The following MCOLN1 variants were observed in gnomAD, a reference collection of about 807,000 sequenced individuals.
MCOLN1 encodes the protein mucolipin TRP cation channel 1.
A neutral mutation model predicts 70.3 loss-of-function variants in MCOLN1; 50 were observed. That is an observed-to-expected ratio of 0.71 (90% CI 0.57 to 0.90). The LOEUF is 0.90. Ranked by LOEUF, MCOLN1 falls within the 40% of genes least tolerant of loss-of-function variation. MCOLN1 has a pLI of 0.00. For synonymous variants in MCOLN1, 366 were observed against 341.0 expected (o/e 1.07, Z -0.81); for missense variants, 598 against 803.5 (o/e 0.74, Z 3.09).
rs1208397824 is a variant in MCOLN1, at chr19:7,533,968, T to C, written c.*173T>C. The C allele has an allele frequency of 9.7e-6, 7 of 721,266 alleles. No homozygotes were observed. In the Admixed American group the frequency reaches 1.6e-4, roughly 16 times the overall value. 44.7% of individuals were successfully genotyped at this position (721,266 alleles called of 1,614,324 possible). A position where few individuals can be genotyped will look rare whatever the true frequency, so the allele number is the denominator to read the frequency against. The stretch of plus-strand genomic sequence containing the variant: ...GGGCGGGGAGACTGGGTGGGGAGGG[T>C]GTTGAATAAAAGGGAAAATAAATGT... On this transcript the variant is annotated 3_prime_UTR_variant, in exon 14 of 14. Transcript: ENST00000264079.
In MCOLN1 at chr19:7,522,634, TGATGCCGGAGGGTTTGAAGCC is replaced by T; in HGVS notation, c.-115_-95del. 1 of 1,113,130 alleles carries T rather than the reference TGATGCCGGAGGGTTTGAAGCC, an allele frequency of 9.0e-7. No homozygotes were observed. Among genetic ancestry groups the T allele is most frequent in the Non-Finnish European group, 1.2e-6 (1 of 820,086 alleles). 69.0% of individuals were successfully genotyped at this position (1,113,130 alleles called of 1,614,324 possible). ...TCACGTGACCGAGGCACAGATCAGCTGATGCCGGAGGGTTTGAAGCCGCGCCGCGAGGGAGCGAGGTCGCAG... is the reference window on the plus strand; with the variant it reads ...TCACGTGACCGAGGCACAGATCAGCTGCGCCGCGAGGGAGCGAGGTCGCAG... On this transcript the variant is annotated 5_prime_UTR_variant, in exon 1 of 14. It removes an upstream start codon present in the reference 5' UTR. Coordinates refer to ENST00000264079, the MANE Select transcript of MCOLN1 (RefSeq NM_020533.3).
chr19:7,530,360 C>A lies in MCOLN1; in HGVS notation c.1434C>A (p.Ala478=), dbSNP rs772184395. Residue 478 remains alanine (A), a synonymous_variant, in exon 12 of 14, where the codon GCC becomes GCA. Transcript: ENST00000264079. ...GGGACGACATGTTTGTGACGTTCGC[C>A]GCCATGCAGGCGCAGCAGGGCCGCA... ...INGDDMFVTF[A]AMQAQQGRSS... 1.2e-6 allele frequency: 2 copies of A among 1,613,942 alleles called. No individual in the cohort carries two copies. Among genetic ancestry groups the A allele is most frequent in the South Asian group, 2.2e-5 (2 of 91,088 alleles).
In MCOLN1 at chr19:7,528,316, C is replaced by T. The variant is rs1367298104; in HGVS notation, c.877+59C>T. 6.6e-7 allele frequency: 1 copy of T among 1,523,804 alleles called. No individual in the cohort carries two copies. The highest frequency in any genetic ancestry group is 9.1e-7 in the Non-Finnish European group (1 of 1,099,708). 94.4% of individuals were successfully genotyped at this position (1,523,804 alleles called of 1,614,324 possible). A position where few individuals can be genotyped will look rare whatever the true frequency, so the allele number is the denominator to read the frequency against. ...GGGGCCCTGGCCTGTCCTGGGATTC[C>T]CCAAGCCCCAGATCAGCGCTGCCTG... On this transcript the variant is annotated intron_variant, in intron 7 of 13. Coordinates refer to ENST00000264079, the MANE Select transcript of MCOLN1 (RefSeq NM_020533.3). This position sits in a 1 kb window ranked among gnomAD's most constrained non-coding sequence, Gnocchi z 4.2.
In MCOLN1 at chr19:7,528,035, C is replaced by T; in HGVS notation, c.777+75C>T. The T allele has an allele frequency of 1.3e-6, 2 of 1,540,556 alleles. No homozygotes were observed. Among genetic ancestry groups the T allele is most frequent in the South Asian group, 2.2e-5 (2 of 89,526 alleles). On this transcript the variant is annotated intron_variant, in intron 6 of 13. Transcript: ENST00000264079. The surrounding 1 kb of genome is among the most constrained non-coding windows in gnomAD (Gnocchi z 4.2). ...CTGGTCAGGGAGTGTCTTGGGAGCA[C>T]TGGCCAAGGGCAAGCGTGCGGGTGA... is the stretch of plus-strand genomic sequence containing the variant.
chr19:7,532,296 A>T (rs2022663595), intron 12 of MCOLN1, among the ~76,000 whole-genome samples: 1 of 152,202 alleles, frequency 6.6e-6, no homozygotes, highest in African/African-American at 2.4e-5. Flanking sequence ...GTATGAAGGA[A>T]GAGTGGAAGG....
Position 7,524,263 on chromosome 19 carries a change from T to C in MCOLN1, c.32-698T>C, listed in dbSNP as rs545295032. On this transcript the variant is annotated intron_variant, in intron 1 of 13. Transcript: ENST00000264079. This position sits in a 1 kb window ranked among gnomAD's most constrained non-coding sequence, Gnocchi z 4.1. ...TCTGGGATTTGATGCTAGGGCTGCA[T>C]GATTTCTAGGAGCTGGTGCTTTTCA... Among the ~76,000 whole-genome samples, 228 of 152,290 alleles carry C rather than the reference T, an allele frequency of 1.5e-3. 1 individual carries two copies. Among genetic ancestry groups the C allele is most frequent in the African/African-American group, 5.1e-3 (213 of 41,552 alleles).
In MCOLN1 at chr19:7,528,204, T is replaced by C; in HGVS notation, c.824T>C (p.Leu275Pro). Reference protein sequence around the residue: ...KAHSGRIPISLETQAHIQECK... With the variant: ...KAHSGRIPISPETQAHIQECK... ...CACAGTGGGCGGATCCCCATCAGCC[T>C]GGAGACCCAGGCCCACATCCAGGAG... The change falls in exon 7 of 14, where the codon CTG becomes CCG. Residue 275 changes from leucine (L) to proline (P), a missense_variant. By Grantham distance (98) the Leu-to-Pro change is moderately conservative. Around this residue, in one of 3 missense-constraint regions of MCOLN1, gnomAD observed 461 missense variants for 588.4 expected, o/e 0.78. Coordinates refer to ENST00000264079, the MANE Select transcript of MCOLN1 (RefSeq NM_020533.3). The surrounding 1 kb of genome is among the most constrained non-coding windows in gnomAD (Gnocchi z 4.2). 1 of 1,614,094 alleles carries C rather than the reference T, an allele frequency of 6.2e-7. No homozygotes were observed. Among genetic ancestry groups the C allele is most frequent in the Non-Finnish European group, 8.5e-7 (1 of 1,179,978 alleles).
chr19:7,527,752 GT>G (rs763898525), intron 5 of MCOLN1, 111 bp from the exon 6 acceptor site: 79 of 1,113,830 alleles, frequency 7.1e-5, no homozygotes, highest in Non-Finnish European at 9.7e-5. Context: ...TGCCTGCTGG[GT>G]GAGCACTTCC....
At position 7,533,576 on chromosome 19, in the gene MCOLN1, G is replaced by A; in HGVS notation, c.1629G>A (p.Gln543=). Residue 543 remains glutamine, a synonymous_variant, in exon 13 of 14, where the codon CAG becomes CAA. Coordinates refer to ENST00000264079, the MANE Select transcript of MCOLN1 (RefSeq NM_020533.3). ...GCGAGCTGCAGGCCTACATCGCACA[G>A]TGCCAGGACAGCCCCACCTCCGGCA... The part of the protein sequence containing the change: ...EESELQAYIA[Q]CQDSPTSGKF... 1.2e-6 allele frequency: 2 copies of A among 1,612,870 alleles called. No homozygotes were observed. The highest frequency in any genetic ancestry group is 1.7e-6 in the Non-Finnish European group (2 of 1,179,988).
chr19:7,527,271 CAA>C lies in MCOLN1; in HGVS notation c.572-226_572-225del, dbSNP rs562144613. ...TGGGTGACAGAGTGAGACCCTGTCT[CAA>C]AAAAAAAAAAAAAAAAAAAAAACAA... On this transcript the variant is annotated intron_variant, in intron 4 of 13. Transcript: ENST00000264079. The C allele has an allele frequency of 0.071, 15,797 of 221,058 alleles. 16 individuals carry two copies. Among genetic ancestry groups the C allele is most frequent in the African/African-American group, 0.11 (2,173 of 20,122 alleles). 13.7% of individuals were successfully genotyped at this position (221,058 alleles called of 1,614,324 possible). A position where few individuals can be genotyped will look rare whatever the true frequency, so the allele number is the denominator to read the frequency against.
chr19:7,523,566 T>C (rs1331124326), intron 1 of MCOLN1, among the ~76,000 whole-genome samples: 1 of 152,208 alleles, frequency 6.6e-6, no homozygotes, highest in African/African-American at 2.4e-5. Context: ...GTGCACACAT[T>C]TATCCTGACT....
In MCOLN1 at chr19:7,527,891, G is replaced by A; in HGVS notation, c.708G>A (p.Arg236=). 2 of 1,614,120 alleles carry A rather than the reference G, an allele frequency of 1.2e-6. No homozygotes were observed. The highest frequency in any genetic ancestry group is 1.7e-6 in the Non-Finnish European group (2 of 1,180,000). The change falls in exon 6 of 14, where the codon CGG becomes CGA. Residue 236 remains arginine, a synonymous_variant. Transcript: ENST00000264079. ...HKLVNVTIHF[R]LKTINLQSLI... is the part of the protein sequence containing the mutation. ...TGGTCAATGTCACCATCCACTTCCG[G>A]CTGAAGACCATTAACCTCCAGAGCC...
Position 7,528,753 on chromosome 19 carries a change from G to T in MCOLN1, c.984+50G>T, listed in dbSNP as rs773120158. The T allele has an allele frequency of 1.2e-5, 19 of 1,614,178 alleles. No individual in the cohort carries two copies. The highest frequency in any genetic ancestry group is 1.7e-4 in the Middle Eastern group (1 of 6,060). On this transcript the variant is annotated intron_variant, in intron 8 of 13. Coordinates refer to ENST00000264079, the MANE Select transcript of MCOLN1 (RefSeq NM_020533.3). This position sits in a 1 kb window ranked among gnomAD's most constrained non-coding sequence, Gnocchi z 4.2. ...TGGTGTCCTCCCCGCCTGGCCCTGG[G>T]GCGATAAAAGCCAGGGCTTTGAGGG...
chr19:7,525,195 T>C lies in MCOLN1; in HGVS notation c.237+29T>C, dbSNP rs2146021439. 6.2e-7 allele frequency: 1 copy of C among 1,602,822 alleles called. No homozygotes were observed. ...AGGCCAGCCAAGCAGGGGCCCCAGC[T>C]GAAGGCCACCTGTGGCTGCTGTGCT... On this transcript the variant is annotated intron_variant, in intron 2 of 13. Coordinates refer to ENST00000264079, the MANE Select transcript of MCOLN1 (RefSeq NM_020533.3). The surrounding 1 kb of genome is among the most constrained non-coding windows in gnomAD (Gnocchi z 4.2).
chr19:7,526,647 A>C lies in MCOLN1; in HGVS notation c.405+41A>C, dbSNP rs1044652991. The C allele has an allele frequency of 8.2e-7, 1 of 1,226,156 alleles. No individual in the cohort carries two copies. The highest frequency in any genetic ancestry group is 1.7e-5 in the African/African-American group (1 of 57,324). The allele number at this position is 1,226,156 out of a possible 1,614,324, so 76.0% of individuals were successfully genotyped here. On this transcript the variant is annotated intron_variant, in intron 3 of 13. Coordinates refer to ENST00000264079, the MANE Select transcript of MCOLN1 (RefSeq NM_020533.3). This position sits in a 1 kb window ranked among gnomAD's most constrained non-coding sequence, Gnocchi z 4.6. Reference sequence around the variant, plus strand: ...CAGGTGCTGGTGGGCAGGCAGGTGCAGGTGGGCGGGCAGGTGCAGTTGGGC... The same window carrying C: ...CAGGTGCTGGTGGGCAGGCAGGTGCCGGTGGGCGGGCAGGTGCAGTTGGGC...
At chr19:7,529,938 G>A (rs748383192) in intron 11 of MCOLN1, among the ~76,000 whole-genome samples, 1 of 152,164 alleles carries the variant, frequency 6.6e-6, no homozygotes, top group Admixed American at 6.5e-5. Flanking sequence ...ACCCTAGGTC[G>A]GCCCTGTGGC....
intron 12 of MCOLN1, among the ~76,000 whole-genome samples, chr19:7,533,132 A>C (rs1470152632): frequency 2.1e-4 from 32 of 152,208 alleles, no homozygotes; most frequent in Admixed American, 2.0e-3. Flanking sequence ...GTCTTGCCTT[A>C]GCACGTAGAC....
At chr19:7,527,484 G>T (rs1308253570) in intron 4 of MCOLN1, 36 bp from the exon 5 acceptor site, 2 of 880,800 alleles carry the variant, frequency 2.3e-6, no homozygotes, top group Non-Finnish European at 3.9e-6. Context: ...GGCCTCCCCG[G>T]CCCCCTGAGG....
rs2022597850 is a variant in MCOLN1, at chr19:7,528,044, G to A, written c.777+84G>A. The A allele has an allele frequency of 2.0e-6, 3 of 1,529,730 alleles. No homozygotes were observed. Among genetic ancestry groups the A allele is most frequent in the Non-Finnish European group, 2.7e-6 (3 of 1,103,676 alleles). 94.8% of individuals were successfully genotyped at this position (1,529,730 alleles called of 1,614,324 possible). A position where few individuals can be genotyped will look rare whatever the true frequency, so the allele number is the denominator to read the frequency against. ...GAGTGTCTTGGGAGCACTGGCCAAG[G>A]GCAAGCGTGCGGGTGATGAGGGAGG... On this transcript the variant is annotated intron_variant, in intron 6 of 13. Coordinates refer to ENST00000264079, the MANE Select transcript of MCOLN1 (RefSeq NM_020533.3). This position sits in a 1 kb window ranked among gnomAD's most constrained non-coding sequence, Gnocchi z 4.2.
Sources: gnomAD v4.1 joint callset for allele counts (sites outside exome capture counted in the v4.1 genomes callset) on GRCh38, gnomAD v4.1.1 for gene constraint, gnomAD v4.1.1 regional missense constraint, Gnocchi (gnomAD v3.1) non-coding constraint, MANE v1.5 for transcripts, NCBI Gene and HGNC (gene_info 2026-07-23, HGNC 2026-07-21) for gene names.